The following ACTN2 variants were observed in gnomAD, a reference collection of about 807,000 sequenced individuals.
ACTN2 encodes the protein actinin alpha 2, also known as alpha-actinin-2.
ACTN2 carries 39 observed loss-of-function variants against 113.8 expected under a neutral mutation model. The ratio of observed to expected loss-of-function variants is 0.34; its 90% CI spans 0.27 to 0.45. The LOEUF is 0.45. ACTN2 is among the 20% of genes least tolerant of loss of function. ACTN2 has a pLI of 1.00. For missense variants in ACTN2, 992 were observed against 1,177.9 expected (o/e 0.84, Z 2.31); for synonymous variants, 429 against 444.1 (o/e 0.97, Z 0.43).
chr1:236,688,888 C>T (rs1665969027), intron 1 of ACTN2, among the ~76,000 whole-genome samples: 1 of 152,088 alleles, frequency 6.6e-6, no homozygotes, highest in South Asian at 2.1e-4. Context: ...TCCACACTTG[C>T]CATTTCAGTG....
chr1:236,749,052 G>T, intron 13 of ACTN2, 72 bp from the exon 14 acceptor site: 1 of 1,514,332 alleles, frequency 6.6e-7, no homozygotes. Flanking sequence ...TGTTCTTATG[G>T]AACGCCTACT....
At chr1:236,705,357 T>A (rs931507616) in intron 1 of ACTN2, among the ~76,000 whole-genome samples, 1 of 152,182 alleles carries the variant, frequency 6.6e-6, no homozygotes, top group Non-Finnish European at 1.5e-5. Flanking sequence ...ATCATGACTG[T>A]CATACAAATA....
chr1:236,747,575 T>C, intron 12 of ACTN2, 92 bp from the exon 13 acceptor site: 1 of 1,171,710 alleles, frequency 8.5e-7, no homozygotes, highest in Non-Finnish European at 1.2e-6. Context: ...TTTTTGTTTT[T>C]AAACTTCCCT....
intron 1 of ACTN2, 41 bp downstream of exon 1, chr1:236,686,840 G>C: frequency 1.4e-6 from 2 of 1,386,250 alleles, no homozygotes; most frequent in Non-Finnish European, 9.4e-7. Flanking sequence ...TGGTGGGGCC[G>C]GGTCCCCCGC....
chr1:236,694,189 G>C (rs1040696322), intron 1 of ACTN2, among the ~76,000 whole-genome samples: 1 of 151,664 alleles, frequency 6.6e-6, no homozygotes, highest in African/African-American at 2.4e-5. Flanking sequence ...GACTCACACA[G>C]AGTCTGCACT....
intron 1 of ACTN2, among the ~76,000 whole-genome samples, chr1:236,696,640 A>C (rs1056136444): frequency 6.6e-6 from 1 of 151,764 alleles, no homozygotes; most frequent in Non-Finnish European, 1.5e-5. Context: ...TTTCAACCCA[A>C]ACAACTTTAC....
intron 9 of ACTN2, among the ~76,000 whole-genome samples, chr1:236,737,683 G>C (rs561967077): frequency 2.0e-5 from 3 of 152,124 alleles, no homozygotes; most frequent in African/African-American, 7.2e-5. Context: ...TCGGGCTCGT[G>C]TGTCTGTATA....
At chr1:236,736,276 CT>C (rs1658873215) in intron 8 of ACTN2, among the ~76,000 whole-genome samples, 1 of 152,266 alleles carries the variant, frequency 6.6e-6, no homozygotes. Context: ...TCACCTGTTT[CT>C]GTTCCTCTCC....
intron 10 of ACTN2, among the ~76,000 whole-genome samples, chr1:236,739,735 A>G (rs1659011464): frequency 6.6e-6 from 1 of 152,200 alleles, no homozygotes; most frequent in African/African-American, 2.4e-5. Flanking sequence ...CCACTGGGGT[A>G]CAGTGTCCCA....
At chr1:236,746,068 AG>A (rs1330709444) in intron 12 of ACTN2, among the ~76,000 whole-genome samples, 2 of 147,080 alleles carry the variant, frequency 1.4e-5, no homozygotes, top group Non-Finnish European at 3.0e-5. Flanking sequence ...CAGGAGGCTG[AG>A]GCAGGAGAAT....
intron 17 of ACTN2, 108 bp from the exon 18 acceptor site, chr1:236,757,378 C>T: frequency 7.2e-7 from 1 of 1,392,454 alleles, no homozygotes; most frequent in Non-Finnish European, 1.0e-6. Flanking sequence ...CTATCATGAG[C>T]CCTGCTTAGT....
chr1:236,721,929 C>T (rs10925205), intron 4 of ACTN2, among the ~76,000 whole-genome samples: 6,738 of 152,046 alleles, frequency 0.044, 349 homozygotes, highest in African/African-American at 0.11. Context: ...TTAGAGTTTT[C>T]CCCAAAATTG....
At chr1:236,725,854 T>A in intron 4 of ACTN2, 79 bp from the exon 5 acceptor site, 1 of 1,307,624 alleles carries the variant, frequency 7.6e-7, no homozygotes. Flanking sequence ...CCCTGGGAGG[T>A]CTGTTTCAAA....
chr1:236,750,603 T>TG (rs1426463221), intron 14 of ACTN2, among the ~76,000 whole-genome samples: 1 of 152,184 alleles, frequency 6.6e-6, no homozygotes, highest in Non-Finnish European at 1.5e-5. Flanking sequence ...GCTGAATTTG[T>TG]GGGGCTGCTC....
rs111296858 is a variant in ACTN2, at chr1:236,720,835, T to C, written c.448+644T>C. Among the ~76,000 whole-genome samples, 496 of 152,120 alleles carry C rather than the reference T, an allele frequency of 3.3e-3. 3 individuals are homozygous for C. The highest frequency in any genetic ancestry group is 0.011 in the African/African-American group (471 of 41,512). ...TTCTTAAAATTGGAACTTTGCCTGT[T>C]TGGCCCTCAAATCACAAAGTGTATA... is the stretch of plus-strand genomic sequence containing the variant. On this transcript the variant is annotated intron_variant, in intron 4 of 20. Coordinates refer to ENST00000366578, the MANE Select transcript of ACTN2 (RefSeq NM_001103.4).
chr1:236,743,160 C>T lies in ACTN2; in HGVS notation c.1255+117C>T, dbSNP rs1399994715. On this transcript the variant is annotated intron_variant, in intron 11 of 20. Coordinates refer to ENST00000366578, the MANE Select transcript of ACTN2 (RefSeq NM_001103.4). ...TGTCTGTGACACTAAAGGTAGGTGT[C>T]GTCACCTTTCTCTGCTCTTGTCTCA... The T allele has an allele frequency of 4.8e-5, 61 of 1,263,794 alleles. 1 individual carries two copies. Among genetic ancestry groups the T allele is most frequent in the South Asian group, 1.3e-5 (1 of 79,550 alleles). The allele number at this position is 1,263,794 out of a possible 1,614,324, so 78.3% of individuals were successfully genotyped here.
At chr1:236,712,293 C>T (rs1658050285) in intron 1 of ACTN2, among the ~76,000 whole-genome samples, 1 of 152,080 alleles carries the variant, frequency 6.6e-6, no homozygotes, top group African/African-American at 2.4e-5. Flanking sequence ...AAAAATTAAA[C>T]ATTCTAATAA....
chr1:236,762,888 A>C lies in ACTN2; in HGVS notation c.*269A>C, dbSNP rs1320626128. 2.2e-6 allele frequency: 1 copy of C among 451,892 alleles called. No homozygotes were observed. Among genetic ancestry groups the C allele is most frequent in the East Asian group, 4.6e-5 (1 of 21,808 alleles). 28.0% of individuals were successfully genotyped at this position (451,892 alleles called of 1,614,324 possible). ...ATCAGGTTGATTTCTTTGATTAAAC[A>C]GAACAAATTACTTGAGTAATAGGAA... On this transcript the variant is annotated 3_prime_UTR_variant, in exon 21 of 21. Coordinates refer to ENST00000366578, the MANE Select transcript of ACTN2 (RefSeq NM_001103.4).
chr1:236,693,702 C>T (rs982311310), intron 1 of ACTN2, among the ~76,000 whole-genome samples: 14 of 152,120 alleles, frequency 9.2e-5, no homozygotes, highest in South Asian at 2.1e-4. Flanking sequence ...ACCTTCCCTG[C>T]GGAGATGAGG....
Sources: gnomAD v4.1 joint callset for allele counts (sites outside exome capture counted in the v4.1 genomes callset) on GRCh38, gnomAD v4.1.1 for gene constraint, MANE v1.5 for transcripts, NCBI Gene and HGNC (gene_info 2026-07-23, HGNC 2026-07-21) for gene names.